CREB5: variants seen among roughly 807,000 people sequenced by gnomAD.
CREB5 encodes cAMP responsive element binding protein 5.
In CREB5, 19 loss-of-function variants were observed where a neutral mutation model predicts 57.1. That is an observed-to-expected ratio of 0.33 (90% CI 0.23 to 0.49). The LOEUF is 0.49. Among genes scored for constraint, CREB5 ranks in the 20% least tolerant of loss-of-function variants. CREB5 has a pLI of 0.99. For synonymous variants in CREB5, 238 were observed against 238.3 expected, an observed-to-expected ratio of 1.00 and a Z score of 0.01; for missense variants, 579 against 671.6, an observed-to-expected ratio of 0.86 and a Z score of 1.52.
upstream of CREB5, among the ~76,000 whole-genome samples, chr7:28,407,516 CTCT>C (rs1787609761): frequency 6.6e-6 from 1 of 152,148 alleles, no homozygotes; most frequent in African/African-American, 2.4e-5. Flanking sequence ...TAATAAATAC[CTCT>C]TCTTTTCTTC....
rs148964585 is a variant in CREB5 at position 28,513,079 on chromosome 7, C to T, written c.291+5342C>T. Among the ~76,000 whole-genome samples, 18 of 152,316 alleles carry T rather than the reference C, an allele frequency of 1.2e-4. No homozygotes were observed. In the East Asian group the frequency reaches 3.5e-3, roughly 29 times the overall value. ...TGTTTAATCTGATTAAATTCTGTACCTGGAAATCATGTTACCCGATGCCAC... is the reference window on the plus strand; with the variant it reads ...TGTTTAATCTGATTAAATTCTGTACTTGGAAATCATGTTACCCGATGCCAC... On this transcript the variant is annotated intron_variant, in intron 4 of 10. Transcript: ENST00000357727.
chr7:28,584,462 C>A (rs1796239274), intron 5 of CREB5, among the ~76,000 whole-genome samples: 1 of 152,070 alleles, frequency 6.6e-6, no homozygotes, highest in Non-Finnish European at 1.5e-5. Flanking sequence ...CTCAGAGACA[C>A]ACAGGGAGAG....
chr7:28,773,893 A>G (rs191547724), intron 7 of CREB5, among the ~76,000 whole-genome samples: 11 of 152,300 alleles, frequency 7.2e-5, no homozygotes, highest in African/African-American at 1.9e-4. Context: ...AGCGTCCTTC[A>G]TTTCAGTTCC....
At chr7:28,322,053 G>C (rs1440970633) in intron 1 of CREB5, among the ~76,000 whole-genome samples, 1 of 152,118 alleles carries the variant, frequency 6.6e-6, no homozygotes, top group Non-Finnish European at 1.5e-5. Flanking sequence ...AACTTAGGGA[G>C]AAAAATGCAC....
At chr7:28,807,187 G>A (rs560178615) in intron 8 of CREB5, among the ~76,000 whole-genome samples, 7 of 152,180 alleles carry the variant, frequency 4.6e-5, no homozygotes, top group African/African-American at 1.4e-4. Flanking sequence ...GGTGGCTCAC[G>A]CCTGTAATCT....
chr7:28,732,171 C>T (rs1365269300), intron 7 of CREB5, among the ~76,000 whole-genome samples: 3 of 152,088 alleles, frequency 2.0e-5, no homozygotes, highest in African/African-American at 4.8e-5. Flanking sequence ...TCACAACCGG[C>T]TCCTTGTACA....
intron 7 of CREB5, among the ~76,000 whole-genome samples, chr7:28,790,369 C>G (rs1273568398): frequency 6.7e-6 from 1 of 149,230 alleles, no homozygotes; most frequent in Non-Finnish European, 1.5e-5. Context: ...ATCTACTTCC[C>G]GTAGTGAATG....
intron 4 of CREB5, among the ~76,000 whole-genome samples, chr7:28,556,205 G>T (rs1794867515): frequency 6.6e-6 from 1 of 152,114 alleles, no homozygotes; most frequent in African/African-American, 2.4e-5. Context: ...TGGCTTTATG[G>T]TACATAAACA....
At chr7:28,314,374 C>G (rs1488869969) in intron 1 of CREB5, among the ~76,000 whole-genome samples, 1 of 152,156 alleles carries the variant, frequency 6.6e-6, no homozygotes, top group Non-Finnish European at 1.5e-5. Context: ...ATGGTGCTGT[C>G]TTTATCATCC....
intron 1 of CREB5, among the ~76,000 whole-genome samples, chr7:28,463,247 A>G (rs1790425489): frequency 6.6e-6 from 1 of 152,138 alleles, no homozygotes; most frequent in Non-Finnish European, 1.5e-5. Flanking sequence ...TGATAAATGT[A>G]AGGGTTACTT....
intron 5 of CREB5, among the ~76,000 whole-genome samples, chr7:28,678,468 G>C (rs756344591): frequency 2.0e-5 from 3 of 152,088 alleles, no homozygotes; most frequent in Non-Finnish European, 2.9e-5. Context: ...TCCATGTCTA[G>C]AAAAATCAAA....
At chr7:28,769,357 A>C (rs1378701791) in intron 7 of CREB5, among the ~76,000 whole-genome samples, 1 of 152,236 alleles carries the variant, frequency 6.6e-6, no homozygotes, top group African/African-American at 2.4e-5. Context: ...GAATGTTAAC[A>C]CAAAGAAATG....
At chr7:28,395,304 T>G (rs1181757091) in intron 1 of CREB5, among the ~76,000 whole-genome samples, 1 of 152,214 alleles carries the variant, frequency 6.6e-6, no homozygotes, top group African/African-American at 2.4e-5. Flanking sequence ...CAAGGACAGT[T>G]TCTTTCCACA....
chr7:28,595,110 T>G (rs2128666368), intron 5 of CREB5, among the ~76,000 whole-genome samples: 1 of 152,326 alleles, frequency 6.6e-6, no homozygotes, highest in East Asian at 1.9e-4. Context: ...ATACAAGACC[T>G]TCACTTCTTA....
chr7:28,542,801 A>G (rs1404717798), intron 4 of CREB5, among the ~76,000 whole-genome samples: 4 of 152,286 alleles, frequency 2.6e-5, no homozygotes, highest in Middle Eastern at 6.8e-3. Flanking sequence ...TAACACCAAG[A>G]TGGAATTACA....
intron 8 of CREB5, among the ~76,000 whole-genome samples, chr7:28,807,811 TGAGAATG>T (rs1487311099): frequency 6.6e-6 from 1 of 151,924 alleles, no homozygotes; most frequent in Non-Finnish European, 1.5e-5. Flanking sequence ...CACCTTTTAT[TGAGAATG>T]AAGAAGGAGG....
intron 5 of CREB5, among the ~76,000 whole-genome samples, chr7:28,661,723 A>G (rs1266049275): frequency 6.6e-6 from 1 of 151,722 alleles, no homozygotes; most frequent in East Asian, 1.9e-4. Flanking sequence ...GTTCATTCTG[A>G]CTCTAGGTTT....
chr7:28,757,622 G>A (rs967364666), intron 7 of CREB5, among the ~76,000 whole-genome samples: 5 of 151,118 alleles, frequency 3.3e-5, no homozygotes, highest in East Asian at 1.9e-4. Context: ...GCAGTGAGCC[G>A]AGATCACGCC....
chr7:28,349,300 T>C (rs546279744), intron 1 of CREB5, among the ~76,000 whole-genome samples: 15 of 152,322 alleles, frequency 9.8e-5, no homozygotes, highest in Middle Eastern at 3.4e-3. Context: ...TCCCTCTTAA[T>C]TTACTCTTCA....
Sources: gnomAD v4.1 joint callset for allele counts (sites outside exome capture counted in the v4.1 genomes callset) on GRCh38, gnomAD v4.1.1 for gene constraint, MANE v1.5 for transcripts, NCBI Gene and HGNC (gene_info 2026-07-23, HGNC 2026-07-21) for gene names.